HHAT: variants seen among roughly 807,000 people sequenced by gnomAD.
HHAT encodes the protein protein-cysteine N-palmitoyltransferase HHAT.
In HHAT, 47 loss-of-function variants were observed where a neutral mutation model predicts 70.8. The observed-to-expected ratio is 0.66, with a 90% CI of 0.53 to 0.85. HHAT has a LOEUF of 0.85. Ranked by LOEUF, HHAT falls within the 40% of genes least tolerant of loss-of-function variation. The pLI is 0.00. For missense variants in HHAT, 609 were observed against 604.8 expected (o/e 1.01, Z -0.07); for synonymous variants, 228 against 247.6 (o/e 0.92, Z 0.74).
At chr1:210,527,729 C>T (rs927885282) in intron 9 of HHAT, among the ~76,000 whole-genome samples, 9 of 152,170 alleles carry the variant, frequency 5.9e-5, no homozygotes, top group African/African-American at 7.2e-5. Context: ...GAGGATGGTG[C>T]GCCAACAGGG....
chr1:210,537,918 G>T (rs1210228224), intron 9 of HHAT, among the ~76,000 whole-genome samples: 1 of 152,134 alleles, frequency 6.6e-6, no homozygotes, highest in East Asian at 1.9e-4. Context: ...ATTTTATAGA[G>T]AATTTTATGA....
intron 6 of HHAT, among the ~76,000 whole-genome samples, chr1:210,415,153 C>G (rs1012844597): frequency 6.6e-6 from 1 of 152,086 alleles, no homozygotes; most frequent in African/African-American, 2.4e-5. Flanking sequence ...TTTTCATGAC[C>G]ATACAATATT....
intron 9 of HHAT, among the ~76,000 whole-genome samples, chr1:210,576,453 A>C (rs1657769364): frequency 1.4e-5 from 2 of 145,696 alleles, no homozygotes; most frequent in African/African-American, 5.0e-5. Flanking sequence ...CGTGTTAAGA[A>C]CACTTAACAT....
chr1:210,636,364 A>C (rs1408766677), intron 11 of HHAT, among the ~76,000 whole-genome samples: 2 of 152,094 alleles, frequency 1.3e-5, no homozygotes, highest in Non-Finnish European at 2.9e-5. Flanking sequence ...CCTGAGGATG[A>C]TTATGATTAT....
intron 3 of HHAT, among the ~76,000 whole-genome samples, chr1:210,368,084 T>C (rs573133184): frequency 1.3e-5 from 2 of 152,220 alleles, no homozygotes; most frequent in South Asian, 4.2e-4. Flanking sequence ...GTGCCCACAT[T>C]GCGTGCTCGA....
chr1:210,658,460 G>A (rs1473678845), intron 11 of HHAT, among the ~76,000 whole-genome samples: 2 of 152,080 alleles, frequency 1.3e-5, no homozygotes, highest in African/African-American at 4.8e-5. Context: ...CCTCACTTCT[G>A]CCACTCCATA....
intron 9 of HHAT, among the ~76,000 whole-genome samples, chr1:210,577,651 TTTTTTTTTTTTTTC>T (rs1473022715): frequency 4.0e-5 from 5 of 125,508 alleles, no homozygotes; most frequent in Admixed American, 1.6e-4. Flanking sequence ...TTTTTTTTTT[TTTTTTTTTTTTTTC>T]GAAATGGAGT....
rs1310390993 is a variant in HHAT at position 210,464,507 on chromosome 1, G to T, written c.859G>T (p.Gly287Ter). 6.2e-7 allele frequency: 1 copy of T among 1,614,168 alleles called. No homozygotes were observed. Among genetic ancestry groups the T allele is most frequent in the Admixed American group, 1.7e-5 (1 of 60,026 alleles). The change falls in exon 8 of 12, where the codon GGA becomes TGA. Residue 287 changes from glycine (G) to a stop codon, truncating the protein, a stop_gained and splice_region_variant. Transcript: ENST00000261458. LOFTEE classifies it high-confidence loss of function. ...LETVSCWTLGGLALAQVLFFY... is the reference protein window; with the variant it reads ...LETVSCWTLG ...TGACTGGTCTGTTTGCCTTTCAGGA[G>T]GACTGGCGTTAGCCCAGGTGCTCTT...
intron 7 of HHAT, among the ~76,000 whole-genome samples, chr1:210,421,542 T>C (rs1278368963): frequency 1.3e-5 from 2 of 152,174 alleles, no homozygotes; most frequent in African/African-American, 2.4e-5. Flanking sequence ...ACCTCCTGAG[T>C]TGAAGCAATT....
chr1:210,563,490 T>C (rs74451582), intron 9 of HHAT, among the ~76,000 whole-genome samples: 12 of 152,014 alleles, frequency 7.9e-5, no homozygotes, highest in Non-Finnish European at 1.3e-4. Flanking sequence ...TTCTTCAACA[T>C]TGCGGTGGAG....
intron 4 of HHAT, among the ~76,000 whole-genome samples, chr1:210,396,855 C>G (rs1186755713): frequency 6.6e-6 from 1 of 152,104 alleles, no homozygotes; most frequent in Non-Finnish European, 1.5e-5. Context: ...GAAGAGGTTA[C>G]TGGTTGTCAG....
At chr1:210,631,213 T>C (rs756962719) in intron 11 of HHAT, 7 of 430,604 alleles carry the variant, frequency 1.6e-5, no homozygotes, top group Non-Finnish European at 2.8e-5. Flanking sequence ...AATTCTACTC[T>C]TCTCTCTCTG....
chr1:210,532,809 C>T (rs1331051622), intron 9 of HHAT, among the ~76,000 whole-genome samples: 1 of 152,138 alleles, frequency 6.6e-6, no homozygotes, highest in Admixed American at 6.6e-5. Context: ...AATGATTAAA[C>T]CAGTTAGAAA....
intron 4 of HHAT, among the ~76,000 whole-genome samples, chr1:210,392,995 T>C (rs1424395859): frequency 6.6e-6 from 1 of 152,202 alleles, no homozygotes; most frequent in African/African-American, 2.4e-5. Context: ...GAGTTCTTGC[T>C]TCTCCTCTCG....
rs140391286 is a variant in HHAT, at chr1:210,331,311, A to C, written c.-44+2207A>C. On this transcript the variant is annotated intron_variant, in intron 1 of 11. Coordinates refer to ENST00000261458, the MANE Select transcript of HHAT (RefSeq NM_018194.6). ...TGTTTGCTTATGTCCAGCCTACTTC[A>C]TAGTCTCATTTTGGTTGCTGTCACT... 5.3e-5 allele frequency among the ~76,000 whole-genome samples: 8 copies of C among 152,116 alleles called. No homozygotes were observed. The East Asian group carries it at 1.5e-3, about 29-fold the overall frequency.
At chr1:210,546,241 C>T (rs542133969) in intron 9 of HHAT, among the ~76,000 whole-genome samples, 20 of 152,278 alleles carry the variant, frequency 1.3e-4, no homozygotes, top group African/African-American at 3.9e-4. Context: ...TACAAAGTGG[C>T]CCATAGTTTA....
intron 8 of HHAT, among the ~76,000 whole-genome samples, chr1:210,473,849 G>A (rs551362435): frequency 3.5e-4 from 54 of 152,278 alleles, no homozygotes; most frequent in Non-Finnish European, 5.9e-4. Flanking sequence ...TTCTGGGTCT[G>A]CTAGCTCTAC....
chr1:210,489,409 C>T (rs1456473917), intron 8 of HHAT, among the ~76,000 whole-genome samples: 1 of 152,118 alleles, frequency 6.6e-6, no homozygotes, highest in Non-Finnish European at 1.5e-5. Context: ...GCCATAATTG[C>T]CTTACATAAT....
At chr1:210,360,645 A>C (rs1454115257) in intron 2 of HHAT, among the ~76,000 whole-genome samples, 1 of 152,086 alleles carries the variant, frequency 6.6e-6, no homozygotes, top group Non-Finnish European at 1.5e-5. Context: ...ATGCTGTCCA[A>C]TATTGTACTC....
Sources: allele counts gnomAD v4.1 joint callset (sites outside exome capture counted in the v4.1 genomes callset), GRCh38; gene constraint gnomAD v4.1.1; transcripts MANE v1.5; gene names NCBI Gene and HGNC (gene_info 2026-07-23, HGNC 2026-07-21).